The following TAS2R1 variants were observed in gnomAD, a reference collection of about 807,000 sequenced individuals.
TAS2R1 encodes taste receptor type 2 member 1.
For missense variants in TAS2R1, 370 were observed against 353.4 expected (o/e 1.05, Z -0.38); for synonymous variants, 141 against 134.2 (o/e 1.05, Z -0.35).
At chr5:9,889,342 GAGA>G in the TAS2R1 span, among the ~76,000 whole-genome samples, 1 of 152,156 alleles carries the variant, frequency 6.6e-6, no homozygotes, top group Admixed American at 6.5e-5. Flanking sequence ...GTCTGGTAGG[GAGA>G]AGGAGAGTCC....
chr5:9,841,177 G>A, the TAS2R1 span, among the ~76,000 whole-genome samples: 9,068 of 151,762 alleles, frequency 0.06, 640 homozygotes, highest in East Asian at 0.23. Context: ...TGCTTTCAAG[G>A]GTTATCTCTT....
the TAS2R1 span, among the ~76,000 whole-genome samples, chr5:9,853,850 G>A: frequency 6.6e-6 from 1 of 152,070 alleles, no homozygotes; most frequent in Non-Finnish European, 1.5e-5. Context: ...GCAATTATAA[G>A]GTCAATGATA....
At chr5:9,902,137 A>T in the TAS2R1 span, among the ~76,000 whole-genome samples, 1 of 152,116 alleles carries the variant, frequency 6.6e-6, no homozygotes, top group Non-Finnish European at 1.5e-5. Context: ...TAGCTCTTAA[A>T]CATAGTGTGT....
the TAS2R1 span, among the ~76,000 whole-genome samples, chr5:9,876,299 G>A: frequency 1.3e-5 from 2 of 151,950 alleles, no homozygotes; most frequent in Non-Finnish European, 1.5e-5. Context: ...CAACCAACAC[G>A]GTGGCTGCAT....
At chr5:9,762,431 G>A in the TAS2R1 span, among the ~76,000 whole-genome samples, 1 of 152,182 alleles carries the variant, frequency 6.6e-6, no homozygotes, top group Non-Finnish European at 1.5e-5. Flanking sequence ...GGGTAAAAAG[G>A]ATTAAGCTTC....
At chr5:9,675,596 T>C (rs1740859623) in intron 1 of TAS2R1, among the ~76,000 whole-genome samples, 2 of 152,040 alleles carry the variant, frequency 1.3e-5, no homozygotes, top group Admixed American at 6.6e-5. Flanking sequence ...TTTGTATTTT[T>C]AGCAGAGATG....
the TAS2R1 span, among the ~76,000 whole-genome samples, chr5:9,831,314 A>G: frequency 7.2e-5 from 11 of 152,326 alleles, no homozygotes; most frequent in East Asian, 1.3e-3. Context: ...AGAGCAAAGT[A>G]TTATGCACAT....
the TAS2R1 span, chr5:9,854,496 G>T: frequency 5.3e-5 from 8 of 152,112 alleles, no homozygotes; most frequent in East Asian, 1.5e-3. Flanking sequence ...TCAGGCTAAG[G>T]GATTGGGGCC....
chr5:9,738,309 C>A, the TAS2R1 span, among the ~76,000 whole-genome samples: 1 of 152,120 alleles, frequency 6.6e-6, no homozygotes, highest in East Asian at 1.9e-4. Flanking sequence ...AAATGACAGA[C>A]CATCTCTGTG....
chr5:9,641,036 A>AAGAAAAGTAACTTGCAAGATTTAC (rs1740072546), intron 2 of TAS2R1, among the ~76,000 whole-genome samples: 1 of 152,066 alleles, frequency 6.6e-6, no homozygotes. Context: ...GCATTTCAGT[A>AAGAAAAGTAACTTGCAAGATTTAC]TTGCAAGAAA....
At chr5:9,762,397 G>T in the TAS2R1 span, among the ~76,000 whole-genome samples, 24 of 152,230 alleles carry the variant, frequency 1.6e-4, no homozygotes, top group African/African-American at 5.1e-4. Context: ...TACTAAACGT[G>T]GTTCATATCA....
Position 9,650,165 on chromosome 5 carries a change from T to C in TAS2R1, c.-81+9256A>G, listed in dbSNP as rs1465262028. On this transcript the variant is annotated intron_variant, in intron 2 of 2. Coordinates refer to the TAS2R1 transcript ENST00000506620. The stretch of plus-strand genomic sequence containing the variant: ...CAAATAAAGAATACAATAGAAAAAT[T>C]TGTATTCTAAGATGATAGAAAACAA... Among the ~76,000 whole-genome samples the C allele has an allele frequency of 3.3e-5, 5 of 152,302 alleles. No individual in the cohort carries two copies. The East Asian group carries it at 5.8e-4, about 18-fold the overall frequency.
At chr5:9,705,125 A>C (rs1339082849) in intron 1 of TAS2R1, among the ~76,000 whole-genome samples, 1 of 152,120 alleles carries the variant, frequency 6.6e-6, no homozygotes, top group Non-Finnish European at 1.5e-5. Flanking sequence ...TCACACTAGA[A>C]TTACCGCAAA....
chr5:9,776,691 C>A, the TAS2R1 span, among the ~76,000 whole-genome samples: 1 of 152,178 alleles, frequency 6.6e-6, no homozygotes, highest in African/African-American at 2.4e-5. Flanking sequence ...AATGACGTGG[C>A]TTCCTGCTTG....
At chr5:9,867,573 T>C in the TAS2R1 span, among the ~76,000 whole-genome samples, 3 of 152,252 alleles carry the variant, frequency 2.0e-5, no homozygotes, top group East Asian at 3.9e-4. Flanking sequence ...CCATGACACA[T>C]TGGGGAATGT....
chr5:9,679,720 A>G (rs1053961367), intron 1 of TAS2R1, among the ~76,000 whole-genome samples: 10 of 152,230 alleles, frequency 6.6e-5, no homozygotes, highest in Non-Finnish European at 1.3e-4. Context: ...TGTGGAAAGG[A>G]ATTAGAGTTA....
At chr5:9,694,447 G>A (rs1326457235) in intron 1 of TAS2R1, among the ~76,000 whole-genome samples, 1 of 152,090 alleles carries the variant, frequency 6.6e-6, no homozygotes, top group African/African-American at 2.4e-5. Flanking sequence ...ATAAGAAAAT[G>A]GGATTTTGTT....
the TAS2R1 span, among the ~76,000 whole-genome samples, chr5:9,816,068 AG>A: frequency 3.9e-5 from 6 of 152,200 alleles, no homozygotes; most frequent in Non-Finnish European, 8.8e-5. Flanking sequence ...GAAGTCATCA[AG>A]GTGTAAATTT....
chr5:9,845,430 T>C, the TAS2R1 span, among the ~76,000 whole-genome samples: 1 of 152,210 alleles, frequency 6.6e-6, no homozygotes, highest in Non-Finnish European at 1.5e-5. Flanking sequence ...CTGGATAAAT[T>C]TGTTGCAAGT....
Sources: gnomAD v4.1 joint callset for allele counts (sites outside exome capture counted in the v4.1 genomes callset) on GRCh38, gnomAD v4.1.1 for gene constraint, MANE v1.5 for transcripts, NCBI Gene and HGNC (gene_info 2026-07-23, HGNC 2026-07-21) for gene names.